PTPN12: variants seen among roughly 807,000 people sequenced by gnomAD.
The protein encoded by PTPN12 is tyrosine-protein phosphatase non-receptor type 12.
In PTPN12, 29 loss-of-function variants were observed where a neutral mutation model predicts 97.6. The ratio of observed to expected loss-of-function variants is 0.30; its 90% CI spans 0.22 to 0.41. The LOEUF (loss-of-function observed/expected upper bound fraction) is 0.41, where lower values mean the gene tolerates loss of function less well. Ranked by LOEUF, PTPN12 falls within the 10% of genes least tolerant of loss-of-function variation. The pLI, the probability that PTPN12 is intolerant of heterozygous loss-of-function variation, is 1.00. For missense variants in PTPN12, 819 were observed against 926.0 expected (o/e 0.88, Z 1.50); for synonymous variants, 327 against 300.4 (o/e 1.09, Z -0.91).
chr7:77,612,462 G>A (rs1214657590), intron 11 of PTPN12, among the ~76,000 whole-genome samples: 2 of 152,112 alleles, frequency 1.3e-5, no homozygotes, highest in Non-Finnish European at 2.9e-5. Flanking sequence ...TTTTGAAATG[G>A]AGTTTCACTA....
At chr7:77,575,329 G>A (rs1433644670) in intron 2 of PTPN12, among the ~76,000 whole-genome samples, 3 of 88,362 alleles carry the variant, frequency 3.4e-5, no homozygotes, top group South Asian at 4.0e-4. Context: ...ACACACACAC[G>A]CACGCACGCA....
At chr7:77,583,384 G>A (rs988324391) in intron 3 of PTPN12, among the ~76,000 whole-genome samples, 171 bp from the exon 4 acceptor site, 8 of 152,128 alleles carry the variant, frequency 5.3e-5, no homozygotes, top group African/African-American at 1.9e-4. Context: ...AAGCTTAAGT[G>A]AATTGAATAT....
intron 1 of PTPN12, among the ~76,000 whole-genome samples, chr7:77,561,278 C>T (rs1211933500): frequency 6.6e-6 from 1 of 152,082 alleles, no homozygotes; most frequent in Non-Finnish European, 1.5e-5. Context: ...ATTGCTAAGT[C>T]ATACAGGGAT....
intron 8 of PTPN12, among the ~76,000 whole-genome samples, chr7:77,603,932 G>A (rs1788269480): frequency 2.5e-5 from 3 of 121,142 alleles, no homozygotes; most frequent in South Asian, 2.6e-4. Flanking sequence ...ACTGTCGCCC[G>A]GGCTGGAGTG....
At chr7:77,613,586 G>T (rs1040454805) in intron 11 of PTPN12, among the ~76,000 whole-genome samples, 1 of 152,036 alleles carries the variant, frequency 6.6e-6, no homozygotes, top group Non-Finnish European at 1.5e-5. Context: ...GGATGCAGTG[G>T]CTCATGCCTG....
chr7:77,625,472 G>GCTCGCGCTCGCTCTCTCTCTCT, intron 12 of PTPN12, among the ~76,000 whole-genome samples: 2 of 33,530 alleles, frequency 6.0e-5, no homozygotes, highest in African/African-American at 1.3e-4. Flanking sequence ...CAGGCTGCTC[G>GCTCGCGCTCGCTCTCTCTCTCT]CTCTCTCTCT....
rs1050156333 is a variant in PTPN12 at position 77,610,756 on chromosome 7, C to A, written c.763-9C>A. 6.3e-7 allele frequency: 1 copy of A among 1,582,210 alleles called. No homozygotes were observed. Among genetic ancestry groups the A allele is most frequent in the Non-Finnish European group, 8.6e-7 (1 of 1,167,902 alleles). Reference sequence around the variant, plus strand: ...ACACAAAGTTGATGTATTAAATTTTCTGTTTTAGAAAATACCAGAGGAATT... The same window carrying A: ...ACACAAAGTTGATGTATTAAATTTTATGTTTTAGAAAATACCAGAGGAATT... On this transcript the variant is annotated splice_polypyrimidine_tract_variant and intron_variant, in intron 9 of 17. Coordinates refer to ENST00000248594, the MANE Select transcript of PTPN12 (RefSeq NM_002835.4).
intron 3 of PTPN12, among the ~76,000 whole-genome samples, chr7:77,583,139 T>C (rs1451798202): frequency 2.6e-5 from 4 of 152,190 alleles, no homozygotes; most frequent in African/African-American, 9.6e-5. Flanking sequence ...TTGAGTTGAA[T>C]AGATAATGGA....
intron 5 of PTPN12, among the ~76,000 whole-genome samples, chr7:77,589,162 C>T (rs935386361): frequency 1.3e-5 from 2 of 152,120 alleles, no homozygotes; most frequent in Non-Finnish European, 2.9e-5. Context: ...GCATATAATC[C>T]CATGTAATCC....
intron 1 of PTPN12, among the ~76,000 whole-genome samples, chr7:77,548,234 A>G (rs946147219): frequency 1.3e-5 from 2 of 152,202 alleles, no homozygotes; most frequent in African/African-American, 4.8e-5. Context: ...AAAAGCCTTC[A>G]GGACTAAGGC....
chr7:77,586,034 A>C (rs1354963827), intron 5 of PTPN12, among the ~76,000 whole-genome samples: 1 of 152,024 alleles, frequency 6.6e-6, no homozygotes, highest in Non-Finnish European at 1.5e-5. Context: ...GCTCACTGCA[A>C]CCTCCGCCTC....
chr7:77,537,432 G>C lies in PTPN12; in HGVS notation c.-115G>C. On this transcript the variant is annotated 5_prime_UTR_variant, in exon 1 of 18. Transcript: ENST00000248594. The stretch of plus-strand genomic sequence containing the variant: ...GAGGAGGGAGCCGCGGGGCTTGGCG[G>C]GGTCGGGAGGGAGGGACGTGCTGGG... 1 of 1,372,856 alleles carries C rather than the reference G, an allele frequency of 7.3e-7. No homozygotes were observed. Among genetic ancestry groups the C allele is most frequent in the Non-Finnish European group, 9.5e-7 (1 of 1,054,896 alleles). The allele number at this position is 1,372,856 out of a possible 1,614,324, so 85.0% of individuals were successfully genotyped here.
intron 1 of PTPN12, among the ~76,000 whole-genome samples, chr7:77,550,633 G>A (rs1424370000): frequency 1.3e-5 from 2 of 152,170 alleles, no homozygotes; most frequent in Non-Finnish European, 2.9e-5. Flanking sequence ...ACTGTAAGGT[G>A]GATGCCTAAT....
At chr7:77,610,319 T>G (rs990611264) in intron 9 of PTPN12, among the ~76,000 whole-genome samples, 10 of 152,228 alleles carry the variant, frequency 6.6e-5, no homozygotes, top group African/African-American at 2.2e-4. Context: ...CTAAATATCC[T>G]TATCTTCTCT....
chr7:77,580,273 G>C (rs1169739302), intron 2 of PTPN12, among the ~76,000 whole-genome samples: 3 of 152,224 alleles, frequency 2.0e-5, no homozygotes, highest in African/African-American at 7.2e-5. Context: ...GTTCGAATGA[G>C]CTATGATTGC....
intron 1 of PTPN12, among the ~76,000 whole-genome samples, chr7:77,539,541 T>A (rs1419669278): frequency 1.3e-5 from 2 of 152,238 alleles, no homozygotes; most frequent in Non-Finnish European, 2.9e-5. Context: ...TACTACTTTC[T>A]AGCAAAAGTA....
chr7:77,608,652 C>G (rs1243743792), intron 9 of PTPN12, among the ~76,000 whole-genome samples: 3 of 151,984 alleles, frequency 2.0e-5, no homozygotes, highest in Admixed American at 2.0e-4. Flanking sequence ...TCCTTCTTCC[C>G]CTTATTTCTC....
At chr7:77,617,103 C>G (rs141575861) in intron 11 of PTPN12, among the ~76,000 whole-genome samples, 189 of 152,228 alleles carry the variant, frequency 1.2e-3, no homozygotes, top group African/African-American at 4.3e-3. Context: ...CTTTTTGATG[C>G]AGAGTCTCTA....
At chr7:77,635,622 T>C (rs986957771) in intron 14 of PTPN12, among the ~76,000 whole-genome samples, 160 bp from the exon 15 acceptor site, 4 of 152,224 alleles carry the variant, frequency 2.6e-5, no homozygotes, top group Admixed American at 2.6e-4. Context: ...ACAATTTTTT[T>C]TTTTTAGAAA....
Sources: gnomAD v4.1 joint callset for allele counts (sites outside exome capture counted in the v4.1 genomes callset) on GRCh38, gnomAD v4.1.1 for gene constraint, MANE v1.5 for transcripts, NCBI Gene and HGNC (gene_info 2026-07-23, HGNC 2026-07-21) for gene names.